ZDHHC2: variants seen among roughly 807,000 people sequenced by gnomAD.
ZDHHC2 encodes palmitoyltransferase ZDHHC2.
In ZDHHC2, 51 loss-of-function variants were observed where a neutral mutation model predicts 55.6. The observed-to-expected ratio is 0.92, with a 90% CI of 0.73 to 1.16. The LOEUF (loss-of-function observed/expected upper bound fraction) is 1.16. ZDHHC2 is among the 50% of genes most tolerant of loss of function. The pLI is 0.00. For synonymous variants in ZDHHC2, 199 were observed against 152.9 expected (o/e 1.30, Z -2.22); for missense variants, 491 against 442.4 (o/e 1.11, Z -0.99).
At chr8:17,186,683 G>A (rs1768260590) in intron 3 of ZDHHC2, among the ~76,000 whole-genome samples, 1 of 152,102 alleles carries the variant, frequency 6.6e-6, no homozygotes, top group Non-Finnish European at 1.5e-5. Flanking sequence ...ACATCAGGAT[G>A]GATGGATAGG....
intron 3 of ZDHHC2, among the ~76,000 whole-genome samples, chr8:17,194,623 A>G (rs1207603315): frequency 6.6e-6 from 1 of 152,120 alleles, no homozygotes; most frequent in Non-Finnish European, 1.5e-5. Flanking sequence ...TTAAAATTAT[A>G]TGAATGAATC....
chr8:17,213,261 T>C (rs1807475556), intron 10 of ZDHHC2, among the ~76,000 whole-genome samples: 2 of 152,086 alleles, frequency 1.3e-5, no homozygotes, highest in Admixed American at 1.3e-4. Context: ...TTTTTTCTTT[T>C]TTTTTCTTTT....
intron 6 of ZDHHC2, among the ~76,000 whole-genome samples, chr8:17,204,184 C>A (rs986031446): frequency 5.1e-4 from 78 of 152,168 alleles, no homozygotes; most frequent in Admixed American, 5.0e-3. Flanking sequence ...AATGCTATTC[C>A]CTTTACCTTA....
intron 6 of ZDHHC2, among the ~76,000 whole-genome samples, chr8:17,202,343 A>G (rs555660730): frequency 6.6e-6 from 1 of 152,100 alleles, no homozygotes; most frequent in Non-Finnish European, 1.5e-5. Flanking sequence ...CAGGGGAAAA[A>G]AATGAGTCTC....
At chr8:17,203,809 C>CTTTTTTTTTT (rs3041019) in intron 6 of ZDHHC2, among the ~76,000 whole-genome samples, 1 of 130,152 alleles carries the variant, frequency 7.7e-6, no homozygotes, top group Non-Finnish European at 1.6e-5. Context: ...TCTTTTTTTT[C>CTTTTTTTTTT]TTTTTTTTTT....
chr8:17,156,905 C>T, intron 1 of ZDHHC2, 52 bp downstream of exon 1: 3 of 1,457,738 alleles, frequency 2.1e-6, no homozygotes, highest in Non-Finnish European at 2.7e-6. Context: ...CCCACCCCGA[C>T]TGTCCCGGGA....
chr8:17,168,162 C>T (rs1443010093), intron 1 of ZDHHC2, among the ~76,000 whole-genome samples: 1 of 152,120 alleles, frequency 6.6e-6, no homozygotes, highest in Non-Finnish European at 1.5e-5. Flanking sequence ...TCATCTATTT[C>T]CTATTGACTG....
At chr8:17,176,219 C>A (rs1223518420) in intron 1 of ZDHHC2, among the ~76,000 whole-genome samples, 1 of 151,958 alleles carries the variant, frequency 6.6e-6, no homozygotes, top group Non-Finnish European at 1.5e-5. Flanking sequence ...GATTGCCTTG[C>A]CCCGTGTTTG....
chr8:17,157,209 G>A (rs1804105530), intron 1 of ZDHHC2, among the ~76,000 whole-genome samples: 1 of 152,116 alleles, frequency 6.6e-6, no homozygotes, highest in Admixed American at 6.6e-5. Context: ...AGGCGCGCCG[G>A]GGGCTGAAGG....
chr8:17,211,008 A>G (rs1328432446), intron 10 of ZDHHC2, among the ~76,000 whole-genome samples: 1 of 152,158 alleles, frequency 6.6e-6, no homozygotes, highest in Admixed American at 6.5e-5. Flanking sequence ...GAGAGAAGCC[A>G]GAGTCTTAGA....
intron 1 of ZDHHC2, among the ~76,000 whole-genome samples, chr8:17,180,494 T>C (rs573538872): frequency 4.6e-5 from 7 of 152,354 alleles, no homozygotes; most frequent in Admixed American, 2.0e-4. Context: ...CTTTTCTCTT[T>C]GTAATTTGTC....
intron 2 of ZDHHC2, 146 bp from the exon 3 acceptor site, chr8:17,186,185 T>C: frequency 1.8e-6 from 1 of 554,874 alleles, no homozygotes; most frequent in South Asian, 2.6e-5. Context: ...TTGAGTTGTG[T>C]TTATTCTAGT....
intron 1 of ZDHHC2, among the ~76,000 whole-genome samples, chr8:17,157,857 G>A (rs956544419): frequency 2.6e-5 from 4 of 152,188 alleles, no homozygotes; most frequent in Non-Finnish European, 4.4e-5. Flanking sequence ...AGATGAAATA[G>A]TGGCCTATTA....
At chr8:17,172,390 G>C (rs945196252) in intron 1 of ZDHHC2, among the ~76,000 whole-genome samples, 2 of 152,180 alleles carry the variant, frequency 1.3e-5, no homozygotes, top group African/African-American at 4.8e-5. Flanking sequence ...TCAGCTAAAG[G>C]AAAGAGAGAC....
chr8:17,185,981 G>A (rs1341085749), intron 2 of ZDHHC2, among the ~76,000 whole-genome samples: 1 of 152,146 alleles, frequency 6.6e-6, no homozygotes, highest in Admixed American at 6.5e-5. Flanking sequence ...TTTAACACTT[G>A]TTTTTAATGC....
At chr8:17,217,881 C>T (rs1807720536) in intron 12 of ZDHHC2, among the ~76,000 whole-genome samples, 1 of 151,890 alleles carries the variant, frequency 6.6e-6, no homozygotes, top group African/African-American at 2.4e-5. Flanking sequence ...AATAAGGAAC[C>T]CCTTTGGAAC....
rs182720026 is a variant in ZDHHC2, at chr8:17,213,166, G to A, written c.951-2071G>A. ...TCTTCTCTTTATTTATATTCTGTTCGGGCGTAACTTCAGAATAGAGGGAAT... is the reference window on the plus strand; with the variant it reads ...TCTTCTCTTTATTTATATTCTGTTCAGGCGTAACTTCAGAATAGAGGGAAT... On this transcript the variant is annotated intron_variant, in intron 10 of 12. Transcript: ENST00000262096. 1.2e-3 allele frequency among the ~76,000 whole-genome samples: 187 copies of A among 152,016 alleles called. 1 individual carries two copies. Among genetic ancestry groups the A allele is most frequent in the Middle Eastern group, 6.8e-3 (2 of 294 alleles).
chr8:17,160,883 A>G (rs961970136), intron 1 of ZDHHC2, among the ~76,000 whole-genome samples: 9 of 152,350 alleles, frequency 5.9e-5, no homozygotes, highest in South Asian at 4.1e-4. Flanking sequence ...TATTTGGCCA[A>G]TCTTGGCCCT....
At chr8:17,198,851 C>G (rs1806462913) in intron 6 of ZDHHC2, among the ~76,000 whole-genome samples, 1 of 152,154 alleles carries the variant, frequency 6.6e-6, no homozygotes, top group Non-Finnish European at 1.5e-5. Flanking sequence ...TACAACTACA[C>G]AGATATACAA....
Sources: allele counts gnomAD v4.1 joint callset (sites outside exome capture counted in the v4.1 genomes callset), GRCh38; gene constraint gnomAD v4.1.1; transcripts MANE v1.5; gene names NCBI Gene and HGNC (gene_info 2026-07-23, HGNC 2026-07-21).